Variants in NRXN3 observed in about 807,000 individuals in gnomAD.
NRXN3 encodes neurexin III.
A neutral mutation model predicts 137.6 loss-of-function variants in NRXN3; 32 were observed. The observed-to-expected ratio is 0.23, with a 90% CI of 0.18 to 0.31. NRXN3 has a LOEUF of 0.31. Among genes scored for constraint, NRXN3 ranks in the 10% least tolerant of loss-of-function variants. The pLI is 1.00. For synonymous variants in NRXN3, 798 were observed against 784.5 expected, an observed-to-expected ratio of 1.02 and a Z score of -0.29; for missense variants, 1,574 against 2,062.5, an observed-to-expected ratio of 0.76 and a Z score of 4.59.
chr14:78,514,222 A>G (rs752700735), intron 4 of NRXN3, among the ~76,000 whole-genome samples: 2 of 152,184 alleles, frequency 1.3e-5, no homozygotes, highest in African/African-American at 2.4e-5. Context: ...AGAGTTGTAT[A>G]TAGTATAACA....
At chr14:78,361,423 T>A (rs1354413208) in intron 4 of NRXN3, among the ~76,000 whole-genome samples, 4 of 152,152 alleles carry the variant, frequency 2.6e-5, no homozygotes, top group African/African-American at 7.2e-5. Context: ...TTAGATAAAG[T>A]GGCCCAAATA....
At chr14:78,294,989 A>T (rs2076175391) in intron 3 of NRXN3, among the ~76,000 whole-genome samples, 1 of 152,156 alleles carries the variant, frequency 6.6e-6, no homozygotes, top group South Asian at 2.1e-4. Context: ...TTCACTGTTG[A>T]GGGGCTTGAG....
rs147257295 is a variant in NRXN3, at chr14:79,295,703, A to G, written c.3263-171518A>G. 2.0e-3 allele frequency among the ~76,000 whole-genome samples: 303 copies of G among 152,214 alleles called. 1 individual carries two copies. Among genetic ancestry groups the G allele is most frequent in the South Asian group, 5.4e-3 (26 of 4,818 alleles). Reference sequence around the variant, plus strand: ...GCTCCCACCTAGCATTTTAACCTCAATACTCAGTAGGCCCTTTAAAAACAT... The same window carrying G: ...GCTCCCACCTAGCATTTTAACCTCAGTACTCAGTAGGCCCTTTAAAAACAT... On this transcript the variant is annotated intron_variant, in intron 15 of 20. Coordinates refer to ENST00000335750, the MANE Select transcript of NRXN3 (RefSeq NM_001330195.2).
At chr14:78,324,506 G>A (rs986820611) in intron 4 of NRXN3, among the ~76,000 whole-genome samples, 1 of 152,114 alleles carries the variant, frequency 6.6e-6, no homozygotes, top group Non-Finnish European at 1.5e-5. Context: ...TGCCCTTTAA[G>A]TCTACCTTCA....
In NRXN3 at chr14:78,242,902, T is replaced by C; in HGVS notation, c.-192T>C. ...ATTCAATTTCTTGCTTGTGTGCCCCTCTGGGACTCTCTTGTACACTTTCCT... is the reference window on the plus strand; with the variant it reads ...ATTCAATTTCTTGCTTGTGTGCCCCCCTGGGACTCTCTTGTACACTTTCCT... On this transcript the variant is annotated 5_prime_UTR_variant, in exon 2 of 21. Coordinates refer to ENST00000335750, the MANE Select transcript of NRXN3 (RefSeq NM_001330195.2). The C allele has an allele frequency of 1.9e-6, 1 of 518,680 alleles. No homozygotes were observed. Among genetic ancestry groups the C allele is most frequent in the Non-Finnish European group, 3.4e-6 (1 of 297,238 alleles). The allele number at this position is 518,680 out of a possible 1,614,324, so 32.1% of individuals were successfully genotyped here.
At chr14:79,572,931 A>G (rs1225417700) in intron 16 of NRXN3, 1 of 152,210 alleles carries the variant, frequency 6.6e-6, no homozygotes, top group Non-Finnish European at 1.5e-5. Context: ...ACAAGGAACA[A>G]TATGTACACA....
chr14:79,676,626 G>T (rs2098642226), intron 17 of NRXN3, among the ~76,000 whole-genome samples: 2 of 151,902 alleles, frequency 1.3e-5, no homozygotes, highest in South Asian at 4.1e-4. Context: ...AACAATCACT[G>T]TATGAGATGA....
intron 16 of NRXN3, among the ~76,000 whole-genome samples, chr14:79,537,492 C>T (rs931472918): frequency 6.6e-6 from 1 of 152,050 alleles, no homozygotes; most frequent in South Asian, 2.1e-4. Context: ...TTCCTGTGCC[C>T]ATGTGTTCTC....
intron 15 of NRXN3, among the ~76,000 whole-genome samples, chr14:79,086,955 T>G (rs2048240576): frequency 6.6e-6 from 1 of 152,176 alleles, no homozygotes; most frequent in South Asian, 2.1e-4. Flanking sequence ...AGAGCTCAGG[T>G]GATTATGGTA....
intron 8 of NRXN3, among the ~76,000 whole-genome samples, chr14:78,789,144 T>C (rs2098797945): frequency 6.6e-6 from 1 of 152,196 alleles, no homozygotes; most frequent in African/African-American, 2.4e-5. Context: ...AGTCTTTCAC[T>C]ACACCACTTG....
chr14:78,865,277 G>C (rs1467652194), intron 10 of NRXN3, among the ~76,000 whole-genome samples: 1 of 152,144 alleles, frequency 6.6e-6, no homozygotes, highest in African/African-American at 2.4e-5. Context: ...GAAATATATT[G>C]TATTAACATT....
chr14:78,567,318 C>T (rs911381161), intron 4 of NRXN3, among the ~76,000 whole-genome samples: 35 of 152,192 alleles, frequency 2.3e-4, no homozygotes, highest in African/African-American at 8.2e-4. Context: ...CTGGCTTCAC[C>T]ACTTCTCAAC....
chr14:79,538,883 T>C (rs140730484), intron 16 of NRXN3, among the ~76,000 whole-genome samples: 8 of 152,346 alleles, frequency 5.3e-5, no homozygotes, highest in African/African-American at 1.4e-4. Flanking sequence ...ATGCTTCTCA[T>C]TCATTATTTC....
chr14:78,278,269 AG>A (rs776194980), intron 2 of NRXN3, among the ~76,000 whole-genome samples: 4 of 151,978 alleles, frequency 2.6e-5, no homozygotes, highest in African/African-American at 9.7e-5. Flanking sequence ...GGGGAGGAGG[AG>A]GATTTGCTTT....
intron 8 of NRXN3, among the ~76,000 whole-genome samples, chr14:78,724,571 G>A (rs12432000): frequency 0.12 from 18,740 of 152,122 alleles, 1,262 homozygotes; most frequent in African/African-American, 0.19. Flanking sequence ...TTAGTCCCTC[G>A]TTTTGGTTCC....
intron 15 of NRXN3, among the ~76,000 whole-genome samples, chr14:79,218,711 T>A (rs1319139116): frequency 6.6e-6 from 1 of 152,142 alleles, no homozygotes; most frequent in Non-Finnish European, 1.5e-5. Flanking sequence ...AAAATAAGAT[T>A]GGTTTATTTG....
chr14:78,563,703 A>G (rs1475363378), intron 4 of NRXN3, among the ~76,000 whole-genome samples: 3 of 152,232 alleles, frequency 2.0e-5, no homozygotes, highest in Non-Finnish European at 4.4e-5. Flanking sequence ...TGATTTATCA[A>G]GAAATAAGAC....
intron 20 of NRXN3, chr14:79,853,685 T>C: frequency 7.8e-7 from 1 of 1,288,700 alleles, no homozygotes; most frequent in Non-Finnish European, 1.0e-6. Flanking sequence ...TCCTTCCCAT[T>C]CTCCCCCTTT....
chr14:79,331,436 G>T (rs2091667274), intron 15 of NRXN3, among the ~76,000 whole-genome samples: 1 of 152,102 alleles, frequency 6.6e-6, no homozygotes, highest in Non-Finnish European at 1.5e-5. Context: ...GAGTTCAGAG[G>T]CCCTGACTGT....
Sources: allele counts gnomAD v4.1 joint callset (sites outside exome capture counted in the v4.1 genomes callset), GRCh38; gene constraint gnomAD v4.1.1; transcripts MANE v1.5; gene names NCBI Gene and HGNC (gene_info 2026-07-23, HGNC 2026-07-21).